ACADM: variants seen among roughly 807,000 people sequenced by gnomAD.
The protein encoded by ACADM is medium-chain specific acyl-CoA dehydrogenase, mitochondrial.
ACADM carries 49 observed loss-of-function variants against 58.9 expected under a neutral mutation model. That is an observed-to-expected ratio of 0.83 (90% CI 0.66 to 1.06). The LOEUF (loss-of-function observed/expected upper bound fraction) is 1.06. Among genes scored for constraint, ACADM ranks in the 50% least tolerant of loss-of-function variants. The pLI is 0.00. For synonymous variants in ACADM, 160 were observed against 157.7 expected (o/e 1.01, Z -0.11); for missense variants, 496 against 507.0 (o/e 0.98, Z 0.21).
intron 6 of ACADM, among the ~76,000 whole-genome samples, chr1:75,739,478 T>G (rs889764625): frequency 6.6e-6 from 1 of 152,178 alleles, no homozygotes; most frequent in African/African-American, 2.4e-5. Context: ...TATGATTTGT[T>G]GATATACCTA....
At chr1:75,759,176 C>G (rs1405126843) in intron 10 of ACADM, among the ~76,000 whole-genome samples, 5 of 152,150 alleles carry the variant, frequency 3.3e-5, no homozygotes, top group African/African-American at 9.7e-5. Context: ...TCAGCAAGAC[C>G]AAGAACCCAC....
At chr1:75,733,431 A>G in intron 4 of ACADM, 97 bp from the exon 5 acceptor site, 1 of 1,249,888 alleles carries the variant, frequency 8.0e-7, no homozygotes, top group Non-Finnish European at 1.2e-6. Context: ...TTTTAAAACA[A>G]ATTTTGGTCA....
intron 9 of ACADM, 69 bp from the exon 10 acceptor site, chr1:75,750,382 C>T (rs1648133326): frequency 1.6e-6 from 2 of 1,277,118 alleles, no homozygotes; most frequent in Non-Finnish European, 2.2e-6. Flanking sequence ...CTAACATAGA[C>T]ACTTAGGCAG....
rs1360563583 is a variant in ACADM, at chr1:75,761,368, C to A, written c.1192C>A (p.Gln398Lys). Residue 398 changes from glutamine (Q) to lysine (K), a missense_variant and splice_region_variant, in exon 11 of 12, where the codon CAG becomes AAG. Physicochemically the swap from Gln to Lys is moderately conservative, Grantham distance 53. Transcript: ENST00000370841. Reference sequence around the variant, plus strand: ...ACTAATGAGGGATGCCAAAATCTATCAGGTAAGGTTAAAGATGATTTTTTT... The same window carrying A: ...ACTAATGAGGGATGCCAAAATCTATAAGGTAAGGTTAAAGATGATTTTTTT... ...EKLMRDAKIY[Q>K]IYEGTSQIQR... 1.9e-6 allele frequency: 3 copies of A among 1,613,700 alleles called. No individual in the cohort carries two copies. Among genetic ancestry groups the A allele is most frequent in the Non-Finnish European group, 2.5e-6 (3 of 1,179,818 alleles).
intron 6 of ACADM, among the ~76,000 whole-genome samples, chr1:75,736,845 T>C (rs1557447948): frequency 6.6e-6 from 1 of 152,230 alleles, no homozygotes; most frequent in Non-Finnish European, 1.5e-5. Context: ...TACTTCCTTA[T>C]TGTAGTGCCT....
intron 6 of ACADM, among the ~76,000 whole-genome samples, chr1:75,735,500 A>T (rs1206911746): frequency 1.3e-5 from 2 of 152,136 alleles, no homozygotes; most frequent in Admixed American, 1.3e-4. Flanking sequence ...TTGTGTCAGG[A>T]AGTTCAGATT....
chr1:75,755,326 AC>A (rs1648440107), intron 10 of ACADM, among the ~76,000 whole-genome samples: 1 of 152,108 alleles, frequency 6.6e-6, no homozygotes, highest in Non-Finnish European at 1.5e-5. Context: ...TGGGTCCCTG[AC>A]CCCTGAGTAG....
chr1:75,740,687 C>T lies in ACADM; in HGVS notation c.599+577C>T, dbSNP rs72686179. 8.6e-3 allele frequency among the ~76,000 whole-genome samples: 1,307 copies of T among 151,904 alleles called. 11 individuals are homozygous for T. The highest frequency in any genetic ancestry group is 0.012 in the Non-Finnish European group (846 of 67,936). On this transcript the variant is annotated intron_variant, in intron 7 of 11. Coordinates refer to ENST00000370841, the MANE Select transcript of ACADM (RefSeq NM_000016.6). ...TTGTTGATAAAAGATGAGGAAAGTT[C>T]AATAACTGTTAAGTTCAATAAGAAT...
At chr1:75,753,959 CTT>C (rs34768581) in intron 10 of ACADM, among the ~76,000 whole-genome samples, 114 of 114,064 alleles carry the variant, frequency 1.0e-3, no homozygotes, top group Middle Eastern at 4.3e-3. Context: ...CCATGCTCAG[CTT>C]TTTTTTTTTT....
chr1:75,737,117 T>A (rs1411202141), intron 6 of ACADM, among the ~76,000 whole-genome samples: 2 of 150,132 alleles, frequency 1.3e-5, no homozygotes, highest in Admixed American at 1.3e-4. Context: ...AGAAAAAAAA[T>A]AAATAAAAAT....
intron 7 of ACADM, chr1:75,744,177 C>T: frequency 1.3e-6 from 2 of 1,572,140 alleles, no homozygotes; most frequent in Non-Finnish European, 1.8e-6. Flanking sequence ...GGTTTTACTG[C>T]AGACACAGGT....
chr1:75,753,557 G>A (rs1425830580), intron 10 of ACADM, among the ~76,000 whole-genome samples: 1 of 151,548 alleles, frequency 6.6e-6, no homozygotes, highest in Admixed American at 6.6e-5. Flanking sequence ...ATCTGTCATC[G>A]TCTTCCAGGT....
chr1:75,760,544 CAAAAAAAAAAAAAAAAAAAAAA>C (rs59063908), intron 10 of ACADM, among the ~76,000 whole-genome samples: 10 of 35,458 alleles, frequency 2.8e-4, no homozygotes, highest in Admixed American at 9.0e-4. Context: ...GACCCTGTCT[CAAAAAAAAAAAAAAAAAAAAAA>C]AAAAAAAAAA....
chr1:75,750,546 G>C lies in ACADM; in HGVS notation c.945G>C (p.Glu315Asp). The C allele has an allele frequency of 6.2e-7, 1 of 1,600,364 alleles. No individual in the cohort carries two copies. Among genetic ancestry groups the C allele is most frequent in the Non-Finnish European group, 8.5e-7 (1 of 1,169,838 alleles). Residue 315 changes from glutamate (E) to aspartate (D), a missense_variant and splice_region_variant, in exon 10 of 12, where the codon GAG becomes GAC. By Grantham distance (45) the Glu-to-Asp change is conservative. Transcript: ENST00000370841. ...ERKTFGKLLVEHQAISFMLAE... is the reference protein window; with the variant it reads ...ERKTFGKLLVDHQAISFMLAE... ...AAACTTTCGGAAAGCTACTTGTAGA[G>C]GTAATTTTAATACTGCTTGCTTTGT... is the stretch of plus-strand genomic sequence containing the variant.
At chr1:75,759,153 T>C (rs1394026583) in intron 10 of ACADM, among the ~76,000 whole-genome samples, 1 of 152,196 alleles carries the variant, frequency 6.6e-6, no homozygotes, top group African/African-American at 2.4e-5. Flanking sequence ...GGTCTGTGGC[T>C]TCATTCTTGA....
At chr1:75,736,313 G>A (rs929581365) in intron 6 of ACADM, among the ~76,000 whole-genome samples, 11 of 151,946 alleles carry the variant, frequency 7.2e-5, no homozygotes, top group Non-Finnish European at 1.2e-4. Flanking sequence ...AGATGTATTA[G>A]TTTTGAGCTA....
intron 10 of ACADM, among the ~76,000 whole-genome samples, chr1:75,758,363 G>A (rs539300040): frequency 3.3e-5 from 5 of 152,234 alleles, no homozygotes; most frequent in Admixed American, 1.3e-4. Context: ...GAGCCACCAC[G>A]CCCAGCCAGG....
intron 5 of ACADM, among the ~76,000 whole-genome samples, chr1:75,734,472 G>A (rs1647206834): frequency 6.6e-6 from 1 of 151,952 alleles, no homozygotes; most frequent in Admixed American, 6.6e-5. Context: ...ACTGCGCCCG[G>A]CCTAACAAGC....
At chr1:75,744,377 C>T (rs1647769434) in intron 7 of ACADM, 2 of 1,558,270 alleles carry the variant, frequency 1.3e-6, no homozygotes, top group East Asian at 4.5e-5. Context: ...CCTCCTTCGA[C>T]TTTTCCCCCA....
Sources: allele counts gnomAD v4.1 joint callset (sites outside exome capture counted in the v4.1 genomes callset), GRCh38; gene constraint gnomAD v4.1.1; transcripts MANE v1.5; gene names NCBI Gene and HGNC (gene_info 2026-07-23, HGNC 2026-07-21).